TMEM182: variants seen among roughly 807,000 people sequenced by gnomAD.
TMEM182 encodes transmembrane protein 182.
A neutral mutation model predicts 26.8 loss-of-function variants in TMEM182; 20 were observed. That is an observed-to-expected ratio of 0.75 (90% CI 0.53 to 1.09). The LOEUF (loss-of-function observed/expected upper bound fraction) is 1.09, where lower values mean the gene tolerates loss of function less well. Ranked by LOEUF, TMEM182 falls within the 50% of genes least tolerant of loss-of-function variation. The probability of loss-of-function intolerance (pLI) is 0.00; values close to 1 mark genes in which losing one functional copy is unlikely to be tolerated. For missense variants in TMEM182, 277 were observed against 275.5 expected (o/e 1.01, Z -0.04); for synonymous variants, 109 against 102.2 (o/e 1.07, Z -0.40).
chr2:102,822,690 A>C (rs910697765), intron 3 of TMEM182, among the ~76,000 whole-genome samples: 43 of 152,284 alleles, frequency 2.8e-4, no homozygotes, highest in African/African-American at 1.0e-3. Flanking sequence ...CATTCTGAAG[A>C]CCCGGGAAAA....
At chr2:102,791,234 C>A (rs531376551) in intron 3 of TMEM182, among the ~76,000 whole-genome samples, 3 of 152,216 alleles carry the variant, frequency 2.0e-5, no homozygotes, top group South Asian at 2.1e-4. Flanking sequence ...CCGTGCCCAG[C>A]CTGTTTTATT....
intron 3 of TMEM182, among the ~76,000 whole-genome samples, chr2:102,773,284 G>A (rs911913305): frequency 1.1e-4 from 16 of 151,978 alleles, no homozygotes; most frequent in East Asian, 1.9e-4. Context: ...TAGCTTGGCC[G>A]ATTACACAGT....
At chr2:102,747,624 A>G (rs1396206495) in intron 1 of TMEM182, among the ~76,000 whole-genome samples, 1 of 152,154 alleles carries the variant, frequency 6.6e-6, no homozygotes, top group Non-Finnish European at 1.5e-5. Context: ...CCATGTAACC[A>G]TGAAATGTAG....
intron 1 of TMEM182, among the ~76,000 whole-genome samples, chr2:102,750,623 G>A (rs551246573): frequency 6.6e-6 from 1 of 152,332 alleles, no homozygotes; most frequent in African/African-American, 2.4e-5. Context: ...CACATTTGGA[G>A]TCTGCTACTG....
chr2:102,787,175 A>G (rs1363815016), intron 3 of TMEM182, among the ~76,000 whole-genome samples: 3 of 152,230 alleles, frequency 2.0e-5, no homozygotes, highest in South Asian at 4.1e-4. Context: ...GCTTTCTCAG[A>G]TGAAGGAGAA....
intron 3 of TMEM182, among the ~76,000 whole-genome samples, chr2:102,833,335 C>G (rs961264447): frequency 6.6e-5 from 10 of 152,128 alleles, no homozygotes; most frequent in Admixed American, 6.6e-4. Flanking sequence ...GATATCATCC[C>G]CCTCCCATCA....
intron 3 of TMEM182, among the ~76,000 whole-genome samples, chr2:102,840,194 G>T (rs1026682672): frequency 2.6e-5 from 4 of 152,198 alleles, no homozygotes; most frequent in African/African-American, 9.6e-5. Context: ...ACATCTCGAA[G>T]GGTGGAGGCC....
At position 102,816,973 on chromosome 2, in the gene TMEM182, A is replaced by G. The variant is rs554471440; in HGVS notation, c.*2005A>G. 2.6e-4 allele frequency: 254 copies of G among 985,786 alleles called. No homozygotes were observed. In the African/African-American group the frequency reaches 4.0e-3, roughly 15 times the overall value. 61.1% of individuals were successfully genotyped at this position (985,786 alleles called of 1,614,324 possible). ...GCTACCATATATTTTTTATATGACA[A>G]TTGGCTGAATAGCTGATGTGTATGA... On this transcript the variant is annotated 3_prime_UTR_variant, in exon 5 of 5. Coordinates refer to ENST00000412401, the MANE Select transcript of TMEM182 (RefSeq NM_144632.5).
chr2:102,783,495 GGTCAGTGAGGACAA>G (rs1433633649), intron 3 of TMEM182, among the ~76,000 whole-genome samples: 1 of 152,178 alleles, frequency 6.6e-6, no homozygotes, highest in African/African-American at 2.4e-5. Flanking sequence ...ATAGTTGTCA[GGTCAGTGAGGACAA>G]CTCAAGGCTA....
intron 3 of TMEM182, among the ~76,000 whole-genome samples, chr2:102,791,347 T>C (rs922933490): frequency 6.6e-6 from 1 of 152,236 alleles, no homozygotes; most frequent in African/African-American, 2.4e-5. Flanking sequence ...ACAGAATATG[T>C]TGATATCATA....
intron 3 of TMEM182, among the ~76,000 whole-genome samples, chr2:102,782,621 G>A (rs888440512): frequency 2.0e-5 from 3 of 152,102 alleles, no homozygotes; most frequent in African/African-American, 7.2e-5. Flanking sequence ...AAACAAAGAA[G>A]TTAGGTCTCT....
At chr2:102,756,471 G>A (rs1032883948) in intron 1 of TMEM182, among the ~76,000 whole-genome samples, 2 of 152,100 alleles carry the variant, frequency 1.3e-5, no homozygotes, top group South Asian at 4.1e-4. Flanking sequence ...ACTTTGGGAG[G>A]CTGAGGTGGG....
At chr2:102,826,447 T>G (rs1683032662) in intron 3 of TMEM182, among the ~76,000 whole-genome samples, 1 of 151,986 alleles carries the variant, frequency 6.6e-6, no homozygotes, top group Admixed American at 6.6e-5. Flanking sequence ...AGTGTGGTGT[T>G]GAGCAATTGT....
At chr2:102,835,941 TG>T (rs1285421025) in intron 3 of TMEM182, among the ~76,000 whole-genome samples, 2 of 147,598 alleles carry the variant, frequency 1.4e-5, no homozygotes, top group Admixed American at 1.4e-4. Flanking sequence ...AGTGAGAACA[TG>T]CGGTGTTTGG....
intron 3 of TMEM182, among the ~76,000 whole-genome samples, chr2:102,835,780 A>G (rs898171872): frequency 6.6e-6 from 1 of 151,924 alleles, no homozygotes; most frequent in Non-Finnish European, 1.5e-5. Flanking sequence ...CATGTGCCAT[A>G]TTAGTGTGCT....
chr2:102,834,867 T>C (rs765330659), intron 3 of TMEM182, among the ~76,000 whole-genome samples: 46 of 152,222 alleles, frequency 3.0e-4, no homozygotes, highest in Admixed American at 1.0e-3. Flanking sequence ...AGGAATAAAA[T>C]ATTCCTGGGG....
intron 3 of TMEM182, among the ~76,000 whole-genome samples, chr2:102,828,794 TG>T (rs1335265706): frequency 2.0e-5 from 3 of 152,186 alleles, no homozygotes; most frequent in Admixed American, 6.6e-5. Flanking sequence ...GGGAAGTTTT[TG>T]CCCAGGGCAG....
downstream of TMEM182, among the ~76,000 whole-genome samples, chr2:102,818,291 C>T (rs1209255212): frequency 1.3e-5 from 2 of 151,910 alleles, no homozygotes; most frequent in East Asian, 3.8e-4. Flanking sequence ...GGGGAAATTC[C>T]AATAAGAATG....
At chr2:102,746,636 C>G (rs531794596) in intron 1 of TMEM182, among the ~76,000 whole-genome samples, 3 of 152,110 alleles carry the variant, frequency 2.0e-5, no homozygotes, top group Non-Finnish European at 4.4e-5. Context: ...CTCTCTCACC[C>G]AGGCTGGAGT....
Sources: allele counts gnomAD v4.1 joint callset (sites outside exome capture counted in the v4.1 genomes callset), GRCh38; gene constraint gnomAD v4.1.1; transcripts MANE v1.5; gene names NCBI Gene and HGNC (gene_info 2026-07-23, HGNC 2026-07-21).